PCDHGA3: variants seen among roughly 807,000 people sequenced by gnomAD.
PCDHGA3 encodes the protein protocadherin gamma subfamily A, 3, also known as protocadherin gamma-A3.
PCDHGA3 carries 40 observed loss-of-function variants against 58.5 expected under a neutral mutation model. That is an observed-to-expected ratio of 0.68 (90% CI 0.53 to 0.89). The LOEUF (loss-of-function observed/expected upper bound fraction) is 0.89, where lower values mean the gene tolerates loss of function less well. PCDHGA3 is among the 40% of genes least tolerant of loss of function. The probability of loss-of-function intolerance (pLI) is 0.00; values close to 1 mark genes in which losing one functional copy is unlikely to be tolerated. For synonymous variants in PCDHGA3, 530 were observed against 525.7 expected (o/e 1.01, Z -0.11); for missense variants, 1,223 against 1,195.9 (o/e 1.02, Z -0.33).
intron 1 of PCDHGA3, chr5:141,427,241 T>C (rs1381559575): frequency 4.4e-6 from 2 of 456,696 alleles, no homozygotes; most frequent in Admixed American, 2.3e-5. Flanking sequence ...GAGTAGAAGC[T>C]AAGGATGGTG....
rs776549222 is a variant in PCDHGA3, at chr5:141,357,551, G to C, written c.2424+11094G>C. The C allele has an allele frequency of 9.3e-6, 15 of 1,614,124 alleles. No individual in the cohort carries two copies. In the East Asian group the frequency reaches 2.2e-4, roughly 24 times the overall value. ...GCAGACACGCTCATCAGCCGGGAGA[G>C]TTGTGAGAAAAGCGAGCCTCTTCTG... On this transcript the variant is annotated intron_variant, in intron 1 of 3. Transcript: ENST00000253812.
intron 1 of PCDHGA3, among the ~76,000 whole-genome samples, chr5:141,443,858 T>C (rs1325927807): frequency 6.6e-6 from 1 of 152,162 alleles, no homozygotes; most frequent in Non-Finnish European, 1.5e-5. Context: ...GTCTGAAAAC[T>C]GAAAAAATTA....
chr5:141,394,485 A>G (rs376708104), intron 1 of PCDHGA3: 3 of 1,614,184 alleles, frequency 1.9e-6, no homozygotes, highest in Non-Finnish European at 2.5e-6. Flanking sequence ...CCAGAATGAC[A>G]ACGCGCCCGA....
chr5:141,372,086 C>T (rs1389787406), intron 1 of PCDHGA3: 21 of 1,613,620 alleles, frequency 1.3e-5, no homozygotes, highest in East Asian at 2.2e-5. Flanking sequence ...TGGTGCTGTA[C>T]CCAGCTCTGG....
intron 1 of PCDHGA3, chr5:141,350,437 G>A (rs1353173301): frequency 6.2e-7 from 1 of 1,610,534 alleles, no homozygotes; most frequent in South Asian, 1.1e-5. Context: ...TCCGGGAGTT[G>A]CCAACTCGAA....
At chr5:141,349,073 T>C (rs993754863) in intron 1 of PCDHGA3, among the ~76,000 whole-genome samples, 1 of 151,992 alleles carries the variant, frequency 6.6e-6, no homozygotes, top group Non-Finnish European at 1.5e-5. Context: ...GAATTGGCAT[T>C]ATAGAGAATG....
At chr5:141,365,026 C>T in intron 1 of PCDHGA3, 1 of 1,613,890 alleles carries the variant, frequency 6.2e-7, no homozygotes, top group Admixed American at 1.7e-5. Flanking sequence ...GTGTTACGGT[C>T]CTCGACGCAA....
In PCDHGA3 at chr5:141,478,182, A is replaced by T. The variant is rs777228133; in HGVS notation, c.2425-16625A>T. The T allele has an allele frequency of 5.0e-6, 8 of 1,613,866 alleles. No individual in the cohort carries two copies. In the South Asian group the frequency reaches 8.8e-5, roughly 18 times the overall value. ...TCTGCCCCCCGGGAGCAGAAAAAAA[A>T]TCTCACCTTTTATCTACTTCTTTCT... is the stretch of plus-strand genomic sequence containing the variant. On this transcript the variant is annotated intron_variant, in intron 1 of 3. Transcript: ENST00000253812.
chr5:141,512,068 C>T lies in PCDHGA3; in HGVS notation c.*895C>T, dbSNP rs1215311369. 6.6e-6 allele frequency: 1 copy of T among 152,664 alleles called. No individual in the cohort carries two copies. The highest frequency in any genetic ancestry group is 1.5e-5 in the Non-Finnish European group (1 of 68,066). The allele number at this position is 152,664 out of a possible 1,614,324, so 9.5% of individuals were successfully genotyped here. On this transcript the variant is annotated 3_prime_UTR_variant, in exon 4 of 4. Transcript: ENST00000253812. The stretch of plus-strand genomic sequence containing the variant: ...TCCTCAGGGGACTGACAACATCCTC[C>T]AGATTCCAGCCATAAACCAATAACT...
intron 1 of PCDHGA3, chr5:141,376,100 G>C (rs772318189): frequency 8.7e-6 from 14 of 1,613,632 alleles, no homozygotes; most frequent in Non-Finnish European, 1.2e-5. Context: ...CGACATCCTG[G>C]CCGACCTGGG....
At chr5:141,408,220 G>C (rs2095061412) in intron 1 of PCDHGA3, 1 of 1,558,876 alleles carries the variant, frequency 6.4e-7, no homozygotes, top group Non-Finnish European at 8.7e-7. Flanking sequence ...GGAGCTGCGC[G>C]CAGAGGCGCC....
At chr5:141,361,528 A>G (rs751857437) in intron 1 of PCDHGA3, 1 of 1,614,024 alleles carries the variant, frequency 6.2e-7, no homozygotes, top group Non-Finnish European at 8.5e-7. Context: ...GGCAGAGAAC[A>G]ATCCTCCTGG....
intron 1 of PCDHGA3, chr5:141,379,293 A>G (rs1451053160): frequency 6.6e-6 from 1 of 152,248 alleles, no homozygotes; most frequent in Non-Finnish European, 1.5e-5. Context: ...CAAGTTTCCA[A>G]AGGTATATAC....
At chr5:141,421,619 C>T (rs778666303) in intron 1 of PCDHGA3, 2 of 1,613,694 alleles carry the variant, frequency 1.2e-6, no homozygotes, top group South Asian at 1.1e-5. Flanking sequence ...AATGATAACG[C>T]CCCCAGCTTC....
intron 1 of PCDHGA3, chr5:141,351,160 T>C (rs374210350): frequency 5.6e-6 from 9 of 1,613,888 alleles, no homozygotes; most frequent in African/African-American, 2.7e-5. Context: ...TCACAACCAA[T>C]GGCACATTGG....
intron 1 of PCDHGA3, among the ~76,000 whole-genome samples, chr5:141,401,154 C>A (rs753624238): frequency 6.6e-5 from 10 of 152,086 alleles, no homozygotes; most frequent in Non-Finnish European, 1.5e-4. Context: ...CCAGCCTGGG[C>A]AATATGGTGA....
chr5:141,389,560 G>C (rs1323439261), intron 1 of PCDHGA3: 2 of 1,613,106 alleles, frequency 1.2e-6, no homozygotes, highest in South Asian at 1.1e-5. Context: ...AATGCGCCAC[G>C]GGTGCTGTAC....
rs201085226 is a variant in PCDHGA3 at position 141,365,970 on chromosome 5, C to T, written c.2424+19513C>T. 2.6e-5 allele frequency: 42 copies of T among 1,614,138 alleles called. 1 individual carries two copies. The Admixed American group carries it at 4.3e-4, about 17-fold the overall frequency. On this transcript the variant is annotated intron_variant, in intron 1 of 3. Transcript: ENST00000253812. ...AACCCTCCACTTAGCAGCAACGTGT[C>T]GCTGAGCCTGTTTGTGCTGGACCAG...
chr5:141,438,714 G>A (rs1051491309), intron 1 of PCDHGA3, among the ~76,000 whole-genome samples: 1 of 147,786 alleles, frequency 6.8e-6, no homozygotes, highest in South Asian at 2.2e-4. Flanking sequence ...AGGCTGGAGT[G>A]CAAGTGGTGT....
Sources: gnomAD v4.1 joint callset for allele counts (sites outside exome capture counted in the v4.1 genomes callset) on GRCh38, gnomAD v4.1.1 for gene constraint, MANE v1.5 for transcripts, NCBI Gene and HGNC (gene_info 2026-07-23, HGNC 2026-07-21) for gene names.